SETX: variants seen among roughly 807,000 people sequenced by gnomAD.
SETX encodes senataxin.
A neutral mutation model predicts 227.2 loss-of-function variants in SETX; 90 were observed. That is an observed-to-expected ratio of 0.40 (90% CI 0.33 to 0.47). The LOEUF is 0.47. Ranked by LOEUF, SETX falls within the 20% of genes least tolerant of loss-of-function variation. SETX has a pLI of 0.91. For synonymous variants in SETX, 1,210 were observed against 1,113.2 expected (o/e 1.09, Z -1.73); for missense variants, 3,052 against 3,181.5 (o/e 0.96, Z 0.98).
intron 10 of SETX, among the ~76,000 whole-genome samples, chr9:132,320,766 CCCACTAAAACA>C (rs869252041): frequency 1.2e-4 from 18 of 152,132 alleles, no homozygotes; most frequent in African/African-American, 4.1e-4. Context: ...CTCCTGAAAC[CCCACTAAAACA>C]CCAAAGAGAT....
chr9:132,347,670 CAAAAAAA>C (rs77513867), intron 3 of SETX, among the ~76,000 whole-genome samples: 1 of 135,786 alleles, frequency 7.4e-6, no homozygotes, highest in Non-Finnish European at 1.6e-5. Flanking sequence ...CAACTACATT[CAAAAAAA>C]AAAAAAAGAG....
At chr9:132,350,213 G>A (rs1340634005) in intron 2 of SETX, among the ~76,000 whole-genome samples, 1 of 152,116 alleles carries the variant, frequency 6.6e-6, no homozygotes, top group South Asian at 2.1e-4. Context: ...AAAATTAGCT[G>A]GTGGTGCGCA....
At chr9:132,300,974 A>T (rs1019005961) in intron 11 of SETX, among the ~76,000 whole-genome samples, 171 bp from the exon 12 acceptor site, 2 of 152,190 alleles carry the variant, frequency 1.3e-5, no homozygotes, top group African/African-American at 4.8e-5. Context: ...TTCAAATATT[A>T]AAAATATCAA....
chr9:132,347,272 C>G (rs371992682), intron 3 of SETX, among the ~76,000 whole-genome samples: 1 of 150,640 alleles, frequency 6.6e-6, no homozygotes, highest in Non-Finnish European at 1.5e-5. Context: ...ACCAAACAAA[C>G]GAAAAAAAAC....
intron 17 of SETX, among the ~76,000 whole-genome samples, chr9:132,287,131 GCAA>G (rs1312501635): frequency 2.0e-5 from 3 of 152,126 alleles, no homozygotes; most frequent in Non-Finnish European, 4.4e-5. Flanking sequence ...GGCTCAACAT[GCAA>G]CTGAAAGGCA....
At chr9:132,300,923 C>A in intron 11 of SETX, 120 bp from the exon 12 acceptor site, 3 of 756,950 alleles carry the variant, frequency 4.0e-6, no homozygotes, top group East Asian at 5.5e-5. Context: ...CTAAAGGACT[C>A]TGCATATACT....
At chr9:132,314,976 G>A (rs866086534) in intron 10 of SETX, among the ~76,000 whole-genome samples, 67 of 138,114 alleles carry the variant, frequency 4.9e-4, no homozygotes, top group Middle Eastern at 4.2e-3. Context: ...ACAGTGGCAC[G>A]ATCTCAGCTC....
chr9:132,346,115 A>G, intron 4 of SETX, 146 bp downstream of exon 4: 1 of 693,448 alleles, frequency 1.4e-6, no homozygotes. Flanking sequence ...CTCAAAAAAT[A>G]AAAAACGTTG....
intron 25 of SETX, among the ~76,000 whole-genome samples, chr9:132,267,891 T>A (rs1394048110): frequency 6.6e-6 from 1 of 152,166 alleles, no homozygotes; most frequent in Non-Finnish European, 1.5e-5. Context: ...CCAAGACACA[T>A]CAACACCATG....
Position 132,286,431 on chromosome 9 carries a change from T to C in SETX, c.6388A>G (p.Ile2130Val), listed in dbSNP as rs1285457076. The change falls in exon 18 of 26, where the codon ATT becomes GTT. Residue 2130 changes from isoleucine to valine, a missense_variant. Around this residue, in one of 10 missense-constraint regions of SETX, gnomAD observed 412 missense variants for 589.0 expected, o/e 0.70. Coordinates refer to ENST00000224140, the MANE Select transcript of SETX (RefSeq NM_015046.7). ...ACAGGTGAACTACTTACCTCTTTAA[T>C]TTTAGAAGCAAGTTCCTGCCTTTCC... ...SKERQELASK[I>V]KEVQGRPQKT... 1 of 1,612,098 alleles carries C rather than the reference T, an allele frequency of 6.2e-7. No individual in the cohort carries two copies. The highest frequency in any genetic ancestry group is 8.5e-7 in the Non-Finnish European group (1 of 1,178,868).
intron 11 of SETX, among the ~76,000 whole-genome samples, chr9:132,310,965 T>G (rs1446619057): frequency 6.6e-6 from 1 of 152,160 alleles, no homozygotes; most frequent in Non-Finnish European, 1.5e-5. Context: ...GTAGTTGTTG[T>G]TTTTTGTTTT....
intron 10 of SETX, among the ~76,000 whole-genome samples, chr9:132,325,055 G>A (rs1589730063): frequency 6.6e-6 from 1 of 152,206 alleles, no homozygotes; most frequent in East Asian, 1.9e-4. Context: ...AGCAGCTGCT[G>A]TGATGAGTAA....
chr9:132,297,070 A>G lies in SETX; in HGVS notation c.5782-16T>C. On this transcript the variant is annotated splice_polypyrimidine_tract_variant and intron_variant, in intron 13 of 25. Transcript: ENST00000224140. ...AGTACGCAATCTATATAAAAAACAC[A>G]TTTTTGAGAATGAGTTGCTGTTTCT... 6.3e-7 allele frequency: 1 copy of G among 1,594,886 alleles called. No individual in the cohort carries two copies. Among genetic ancestry groups the G allele is most frequent in the Non-Finnish European group, 8.6e-7 (1 of 1,167,214 alleles).
Position 132,298,158 on chromosome 9 carries a change from T to C in SETX, c.5703A>G (p.Gln1901=), listed in dbSNP as rs377158516. The part of the protein sequence containing the change: ...KAMSLLGSRN[Q]LARAVLNPNP... ...TTGGATTCAGAACAGCTCTAGCCAG[T>C]TGGTTCCGACTACCCAACAGAGACA... Residue 1901 remains glutamine (Q), a synonymous_variant, in exon 13 of 26, where the codon CAA becomes CAG. Transcript: ENST00000224140. The C allele has an allele frequency of 5.0e-6, 8 of 1,614,026 alleles. No homozygotes were observed. The highest frequency in any genetic ancestry group is 6.8e-6 in the Non-Finnish European group (8 of 1,180,016).
intron 7 of SETX, among the ~76,000 whole-genome samples, chr9:132,334,016 C>T (rs1847434093): frequency 6.6e-6 from 1 of 151,908 alleles, no homozygotes; most frequent in Non-Finnish European, 1.5e-5. Context: ...AGAAGGCTTA[C>T]CCCACAATGT....
At chr9:132,331,030 G>A in intron 9 of SETX, 22 bp downstream of exon 9, 1 of 1,541,870 alleles carries the variant, frequency 6.5e-7, no homozygotes, top group African/African-American at 1.4e-5. Context: ...AATAGCATCT[G>A]AATTTTCAAA....
At chr9:132,336,951 A>C (rs1847661499) in intron 5 of SETX, among the ~76,000 whole-genome samples, 1 of 152,210 alleles carries the variant, frequency 6.6e-6, no homozygotes, top group Admixed American at 6.5e-5. Context: ...CTGTAGTCCC[A>C]GCTACTTGGG....
At position 132,327,161 on chromosome 9, in the gene SETX, A is replaced by G; in HGVS notation, c.4437T>C (p.Ala1479=). The G allele has an allele frequency of 6.2e-7, 1 of 1,614,134 alleles. No homozygotes were observed. Among genetic ancestry groups the G allele is most frequent in the South Asian group, 1.1e-5 (1 of 91,084 alleles). The change falls in exon 10 of 26, where the codon GCT becomes GCC. Residue 1479 remains alanine, a synonymous_variant. Coordinates refer to ENST00000224140, the MANE Select transcript of SETX (RefSeq NM_015046.7). ...TGGAGTCAGGCTCTCCTTCTTTCAA[A>G]GCTGCCATCTCTATATGACGTGCTG... ...DPTARHIEMA[A]LKEGEPDSSS... is the part of the protein sequence containing the mutation.
chr9:132,330,906 T>A, intron 9 of SETX, 146 bp downstream of exon 9: 1 of 694,086 alleles, frequency 1.4e-6, no homozygotes, highest in Non-Finnish European at 2.6e-6. Flanking sequence ...ACAATACATC[T>A]GCTGTTCAAT....
Sources: gnomAD v4.1 joint callset for allele counts (sites outside exome capture counted in the v4.1 genomes callset) on GRCh38, gnomAD v4.1.1 for gene constraint, gnomAD v4.1.1 regional missense constraint, MANE v1.5 for transcripts, NCBI Gene and HGNC (gene_info 2026-07-23, HGNC 2026-07-21) for gene names.